Variants in SCFD2 observed in about 807,000 individuals in gnomAD.
The protein encoded by SCFD2 is sec1 family domain containing 2.
Under a neutral mutation model 58.9 loss-of-function variants are expected in SCFD2, and 54 were observed. The ratio of observed to expected loss-of-function variants is 0.92; its 90% CI spans 0.74 to 1.15. The LOEUF (loss-of-function observed/expected upper bound fraction) is 1.15, where lower values mean the gene tolerates loss of function less well. Ranked by LOEUF, SCFD2 falls within the 50% of genes most tolerant of loss-of-function variation. The pLI is 0.00. For missense variants in SCFD2, 805 were observed against 836.6 expected (o/e 0.96, Z 0.47); for synonymous variants, 321 against 335.9 (o/e 0.96, Z 0.49).
At chr4:53,309,789 A>G (rs1732632922) in intron 3 of SCFD2, among the ~76,000 whole-genome samples, 1 of 152,090 alleles carries the variant, frequency 6.6e-6, no homozygotes, top group African/African-American at 2.4e-5. Flanking sequence ...AAATAACCTT[A>G]TAATTTAGTT....
chr4:53,274,998 G>A (rs1731284451), intron 3 of SCFD2, among the ~76,000 whole-genome samples: 1 of 152,144 alleles, frequency 6.6e-6, no homozygotes, highest in Admixed American at 6.5e-5. Context: ...TGAAATCCAA[G>A]TTATTTGCTT....
At chr4:53,139,709 C>G (rs1361067584) in intron 5 of SCFD2, among the ~76,000 whole-genome samples, 1 of 152,200 alleles carries the variant, frequency 6.6e-6, no homozygotes, top group Non-Finnish European at 1.5e-5. Context: ...GGGAGGTGTA[C>G]CCAACAGCTC....
At chr4:52,964,933 G>A (rs964187159) in intron 5 of SCFD2, among the ~76,000 whole-genome samples, 5 of 151,480 alleles carry the variant, frequency 3.3e-5, no homozygotes, top group Admixed American at 6.6e-5. Context: ...AAAAAGCCTC[G>A]CAGAAATGAC....
At chr4:53,175,083 T>A (rs1225519281) in intron 4 of SCFD2, among the ~76,000 whole-genome samples, 2 of 152,138 alleles carry the variant, frequency 1.3e-5, no homozygotes, top group Non-Finnish European at 2.9e-5. Flanking sequence ...GCTGCATACT[T>A]TAACAATCCC....
intron 5 of SCFD2, among the ~76,000 whole-genome samples, chr4:52,963,870 G>A (rs149354384): frequency 5.7e-4 from 86 of 152,188 alleles, no homozygotes; most frequent in Middle Eastern, 3.4e-3. Context: ...CAATGGCTGC[G>A]CAACATTAAA....
At chr4:53,210,395 A>G (rs762539636) in intron 4 of SCFD2, among the ~76,000 whole-genome samples, 3 of 152,136 alleles carry the variant, frequency 2.0e-5, no homozygotes, top group Non-Finnish European at 4.4e-5. Flanking sequence ...AATTATTTTC[A>G]TAATAATACT....
chr4:53,007,098 T>C (rs957218366), intron 5 of SCFD2, among the ~76,000 whole-genome samples: 3 of 151,648 alleles, frequency 2.0e-5, no homozygotes, highest in African/African-American at 7.3e-5. Flanking sequence ...CTGGGCAACG[T>C]AATGAGACCC....
At chr4:53,063,985 TCCTTC>T (rs1469492210) in intron 5 of SCFD2, among the ~76,000 whole-genome samples, 7 of 152,064 alleles carry the variant, frequency 4.6e-5, no homozygotes, top group African/African-American at 1.4e-4. Context: ...CCTCCCTCTC[TCCTTC>T]CCTTCCTTCT....
At chr4:53,294,234 G>A (rs572040259) in intron 3 of SCFD2, among the ~76,000 whole-genome samples, 25 of 152,232 alleles carry the variant, frequency 1.6e-4, no homozygotes, top group Middle Eastern at 3.4e-3. Flanking sequence ...CTTCCACAAT[G>A]ATTGAACTAA....
chr4:53,279,163 T>G (rs191667956), intron 3 of SCFD2, among the ~76,000 whole-genome samples: 1 of 152,340 alleles, frequency 6.6e-6, no homozygotes, highest in East Asian at 1.9e-4. Context: ...TTTAAAAATG[T>G]CAACCCACCA....
At chr4:53,338,212 A>C (rs1485977072) in intron 2 of SCFD2, among the ~76,000 whole-genome samples, 1 of 152,230 alleles carries the variant, frequency 6.6e-6, no homozygotes, top group Non-Finnish European at 1.5e-5. Context: ...AGCCACTAAA[A>C]GTTTATGGTA....
intron 5 of SCFD2, among the ~76,000 whole-genome samples, chr4:53,139,342 G>C (rs1726044221): frequency 2.0e-5 from 3 of 151,450 alleles, no homozygotes; most frequent in Admixed American, 1.3e-4. Context: ...CATCGTCTGG[G>C]ATGTGAGGAG....
intron 4 of SCFD2, among the ~76,000 whole-genome samples, chr4:53,248,581 T>C (rs1232067092): frequency 4.6e-5 from 7 of 152,178 alleles, no homozygotes; most frequent in East Asian, 1.9e-4. Flanking sequence ...GATCTGAGAA[T>C]GGGCAGACTG....
At chr4:53,229,866 T>C (rs2149005699) in intron 4 of SCFD2, among the ~76,000 whole-genome samples, 1 of 152,288 alleles carries the variant, frequency 6.6e-6, no homozygotes, top group Admixed American at 6.5e-5. Context: ...TTTTGCAACC[T>C]ATTCATCTGA....
At chr4:53,030,226 C>A (rs1259959611) in intron 5 of SCFD2, among the ~76,000 whole-genome samples, 4 of 152,028 alleles carry the variant, frequency 2.6e-5, no homozygotes, top group Admixed American at 2.0e-4. Context: ...AAAAGATACT[C>A]AGTATCATTA....
intron 5 of SCFD2, among the ~76,000 whole-genome samples, chr4:53,076,540 T>C (rs1258777944): frequency 6.6e-6 from 1 of 152,100 alleles, no homozygotes; most frequent in Non-Finnish European, 1.5e-5. Flanking sequence ...CGCTGATATC[T>C]AGTTGGCCTT....
intron 4 of SCFD2, among the ~76,000 whole-genome samples, chr4:53,200,978 A>G (rs1420074145): frequency 2.0e-5 from 3 of 150,042 alleles, no homozygotes; most frequent in Admixed American, 6.7e-5. Context: ...GATATGATTT[A>G]TAATACAAAT....
At chr4:53,184,575 T>C (rs1399316866) in intron 4 of SCFD2, among the ~76,000 whole-genome samples, 1 of 152,136 alleles carries the variant, frequency 6.6e-6, no homozygotes, top group Non-Finnish European at 1.5e-5. Flanking sequence ...ATATCTACTG[T>C]ATTTTAGGGT....
At chr4:53,066,094 C>T (rs1462422743) in intron 5 of SCFD2, among the ~76,000 whole-genome samples, 1 of 151,968 alleles carries the variant, frequency 6.6e-6, no homozygotes, top group African/African-American at 2.4e-5. Flanking sequence ...ACAATTTCAC[C>T]GTGAAAATAA....
Sources: allele counts gnomAD v4.1 joint callset (sites outside exome capture counted in the v4.1 genomes callset), GRCh38; gene constraint gnomAD v4.1.1; transcripts MANE v1.5; gene names NCBI Gene and HGNC (gene_info 2026-07-23, HGNC 2026-07-21).